Variants in FAP observed in about 807,000 individuals in gnomAD.
FAP encodes fibroblast activation protein alpha.
In FAP, 110 loss-of-function variants were observed where a neutral mutation model predicts 126.5. The ratio of observed to expected loss-of-function variants is 0.87; its 90% confidence interval spans 0.74 to 1.02. The LOEUF (loss-of-function observed/expected upper bound fraction) is 1.02. Among genes scored for constraint, FAP ranks in the 50% least tolerant of loss-of-function variants. The probability of loss-of-function intolerance (pLI) is 0.00; values close to 1 mark genes in which losing one functional copy is unlikely to be tolerated. For missense variants in FAP, 919 were observed against 909.2 expected (o/e 1.01, Z -0.14); for synonymous variants, 334 against 297.3 (o/e 1.12, Z -1.27).
At chr2:162,184,497 T>C (rs1213902836) in intron 20 of FAP, among the ~76,000 whole-genome samples, 1 of 152,244 alleles carries the variant, frequency 6.6e-6, no homozygotes, top group African/African-American at 2.4e-5. Flanking sequence ...TTGCATTGAT[T>C]CAACATGCAC....
chr2:162,203,660 T>A (rs989461313), intron 12 of FAP, among the ~76,000 whole-genome samples: 3 of 152,108 alleles, frequency 2.0e-5, no homozygotes, highest in Admixed American at 2.0e-4. Flanking sequence ...GCTTCTGGAC[T>A]TGAGAGAAAA....
At chr2:162,186,429 T>C (rs929163746) in intron 20 of FAP, among the ~76,000 whole-genome samples, 5 of 152,072 alleles carry the variant, frequency 3.3e-5, no homozygotes, top group Non-Finnish European at 7.4e-5. Context: ...GTCCTGTATG[T>C]TGAATATCAT....
chr2:162,219,252 C>T, intron 7 of FAP, 69 bp from the exon 8 acceptor site: 1 of 1,404,374 alleles, frequency 7.1e-7, no homozygotes, highest in South Asian at 1.3e-5. Flanking sequence ...TTTAATTATT[C>T]CTCTAATACC....
At chr2:162,238,278 C>A (rs536200811) in intron 2 of FAP, among the ~76,000 whole-genome samples, 3 of 152,180 alleles carry the variant, frequency 2.0e-5, no homozygotes, top group African/African-American at 7.2e-5. Context: ...ACTTTTAGTC[C>A]TGATTGCACA....
At chr2:162,186,748 A>G (rs1214450541) in intron 20 of FAP, among the ~76,000 whole-genome samples, 1 of 152,104 alleles carries the variant, frequency 6.6e-6, no homozygotes, top group African/African-American at 2.4e-5. Context: ...TGCATGGTTT[A>G]AATGCAAATA....
chr2:162,199,730 G>A (rs1688418615), intron 15 of FAP, among the ~76,000 whole-genome samples: 1 of 152,244 alleles, frequency 6.6e-6, no homozygotes, highest in Admixed American at 6.5e-5. Context: ...AGAATGGCCA[G>A]GCCAGAGACA....
chr2:162,202,207 A>G (rs1688525784), intron 14 of FAP, among the ~76,000 whole-genome samples: 1 of 152,240 alleles, frequency 6.6e-6, no homozygotes, highest in Non-Finnish European at 1.5e-5. Context: ...ATAAATGATT[A>G]TTTGAAGATG....
At chr2:162,173,808 T>C in intron 22 of FAP, 21 bp from the exon 23 acceptor site, 2 of 1,432,360 alleles carry the variant, frequency 1.4e-6, no homozygotes, top group Non-Finnish European at 2.0e-6. Context: ...TATGAGAATA[T>C]GCATTGTTTG....
At chr2:162,209,116 A>T (rs1451491884) in intron 12 of FAP, among the ~76,000 whole-genome samples, 2 of 152,018 alleles carry the variant, frequency 1.3e-5, no homozygotes, top group Non-Finnish European at 2.9e-5. Flanking sequence ...TCATCTTAGA[A>T]TCGATTTCTG....
intron 17 of FAP, among the ~76,000 whole-genome samples, chr2:162,191,945 G>C (rs1431328209): frequency 6.6e-6 from 1 of 152,044 alleles, no homozygotes; most frequent in East Asian, 1.9e-4. Flanking sequence ...TCTTTATTCT[G>C]TCTCATCACA....
intron 12 of FAP, among the ~76,000 whole-genome samples, chr2:162,207,447 TTAAAA>T (rs1469722646): frequency 6.6e-6 from 1 of 152,184 alleles, no homozygotes; most frequent in African/African-American, 2.4e-5. Context: ...ACTATGAATA[TTAAAA>T]TGATCTGGCA....
chr2:162,202,172 CT>C (rs1688524869), intron 14 of FAP, among the ~76,000 whole-genome samples: 2 of 152,324 alleles, frequency 1.3e-5, no homozygotes, highest in Admixed American at 1.3e-4. Flanking sequence ...AGAAAGTATA[CT>C]TTTGTGATTA....
rs188153400 is a variant in FAP at position 162,242,642 on chromosome 2, G to T, written c.91+266C>A. Among the ~76,000 whole-genome samples the T allele has an allele frequency of 7.2e-5, 11 of 152,162 alleles. No individual in the cohort carries two copies. In the East Asian group the frequency reaches 1.9e-3, roughly 27 times the overall value. ...AAGCTTGTATTTAGCATATATTTTT[G>T]GGGGTTGTGGGGGTGATGCAGCATA... On this transcript the variant is annotated intron_variant, in intron 2 of 25. Transcript: ENST00000188790.
At chr2:162,237,614 G>C (rs986130787) in intron 2 of FAP, among the ~76,000 whole-genome samples, 1 of 152,178 alleles carries the variant, frequency 6.6e-6, no homozygotes, top group African/African-American at 2.4e-5. Context: ...ATGGGCATTT[G>C]GGTTGGTTCC....
chr2:162,216,407 G>A (rs969018322), intron 9 of FAP, among the ~76,000 whole-genome samples: 8 of 152,110 alleles, frequency 5.3e-5, no homozygotes, highest in African/African-American at 1.7e-4. Context: ...GAGGAGAATG[G>A]AAAGAAAAAT....
intron 20 of FAP, among the ~76,000 whole-genome samples, chr2:162,185,023 T>C (rs936677978): frequency 3.3e-5 from 5 of 152,190 alleles, no homozygotes; most frequent in Non-Finnish European, 2.9e-5. Context: ...CACTGAATGT[T>C]GCAGGACTAG....
chr2:162,185,225 TC>T, intron 20 of FAP, among the ~76,000 whole-genome samples: 1 of 152,284 alleles, frequency 6.6e-6, no homozygotes, highest in Admixed American at 6.5e-5. Context: ...TTATAACTTT[TC>T]TCTCATAAAG....
At chr2:162,222,618 A>G (rs1438946052) in intron 6 of FAP, among the ~76,000 whole-genome samples, 1 of 152,204 alleles carries the variant, frequency 6.6e-6, no homozygotes, top group East Asian at 1.9e-4. Context: ...ACAAGATATC[A>G]TATTAAGATG....
chr2:162,222,410 T>C (rs1477279953), intron 6 of FAP, among the ~76,000 whole-genome samples: 1 of 152,222 alleles, frequency 6.6e-6, no homozygotes, highest in South Asian at 2.1e-4. Flanking sequence ...TTTTAGATTC[T>C]ACTTTAAAAA....
Sources: gnomAD v4.1 joint callset for allele counts (sites outside exome capture counted in the v4.1 genomes callset) on GRCh38, gnomAD v4.1.1 for gene constraint, MANE v1.5 for transcripts, NCBI Gene and HGNC (gene_info 2026-07-23, HGNC 2026-07-21) for gene names.